COL9A3: variants seen among roughly 807,000 people sequenced by gnomAD.
COL9A3 encodes the protein collagen type IX alpha 3 chain, also known as collagen alpha-3(IX) chain.
In COL9A3, 82 loss-of-function variants were observed where a neutral mutation model predicts 110.2. That is an observed-to-expected ratio of 0.74 (90% confidence interval 0.62 to 0.89). The LOEUF is 0.89. COL9A3 is among the 40% of genes least tolerant of loss of function. COL9A3 has a pLI of 0.00. For synonymous variants in COL9A3, 494 were observed against 403.8 expected (o/e 1.22, Z -2.68); for missense variants, 1,066 against 981.3 (o/e 1.09, Z -1.15).
chr20:62,824,510 C>G lies in COL9A3; in HGVS notation c.576+9C>G, dbSNP rs377255816. On this transcript the variant is annotated intron_variant, in intron 11 of 31. Coordinates refer to ENST00000649368, the MANE Select transcript of COL9A3 (RefSeq NM_001853.4). ...GAATGCCAGGGTTCAAGGTGAGTCA[C>G]GGGTGACTGGGACCCAAGCACCACC... 25 of 1,584,828 alleles carry G rather than the reference C, an allele frequency of 1.6e-5. No homozygotes were observed. The highest frequency in any genetic ancestry group is 2.0e-5 in the Non-Finnish European group (23 of 1,166,312).
intron 8 of COL9A3, 77 bp from the exon 9 acceptor site, chr20:62,822,034 A>G (rs1331576612): frequency 1.3e-5 from 12 of 938,432 alleles, no homozygotes; most frequent in Non-Finnish European, 2.1e-5. Context: ...GGGCGTGTCC[A>G]CCTCCCTGGG....
intron 4 of COL9A3, 116 bp from the exon 5 acceptor site, chr20:62,819,813 G>A (rs1277168271): frequency 1.8e-6 from 2 of 1,136,612 alleles, no homozygotes; most frequent in East Asian, 4.7e-5. Flanking sequence ...CCACCCTAAG[G>A]GTCTTCTATG....
At chr20:62,818,002 G>A (rs1218335674) in intron 2 of COL9A3, 2 of 378,872 alleles carry the variant, frequency 5.3e-6, no homozygotes, top group African/African-American at 4.1e-5. Flanking sequence ...CTGGGCTCTG[G>A]AGCCAGCCAT....
chr20:62,834,829 T>C (rs901401223), intron 26 of COL9A3, among the ~76,000 whole-genome samples: 3 of 152,038 alleles, frequency 2.0e-5, no homozygotes, highest in South Asian at 2.1e-4. Context: ...TTAGTAGAGA[T>C]GGGGTTTCAC....
chr20:62,833,145 G>A lies in COL9A3; in HGVS notation c.1368+81G>A, dbSNP rs2294994. On this transcript the variant is annotated intron_variant, in intron 26 of 31. Coordinates refer to ENST00000649368, the MANE Select transcript of COL9A3 (RefSeq NM_001853.4). Reference sequence around the variant, plus strand: ...TGGCTGGGGAACAGTCCTGGGGACAGGGTCAAAATCTGCAGCTCCCGGTGG... The same window carrying A: ...TGGCTGGGGAACAGTCCTGGGGACAAGGTCAAAATCTGCAGCTCCCGGTGG... 222,936 of 1,181,850 alleles carry A rather than the reference G, an allele frequency of 0.19. 24,184 individuals are homozygous for A. Among genetic ancestry groups the A allele is most frequent in the African/African-American group, 0.41 (26,784 of 65,476 alleles). 73.2% of individuals were successfully genotyped at this position (1,181,850 alleles called of 1,614,324 possible).
chr20:62,837,603 T>C (rs185699760), intron 30 of COL9A3, among the ~76,000 whole-genome samples: 114 of 148,506 alleles, frequency 7.7e-4, no homozygotes, highest in Non-Finnish European at 1.1e-3. Flanking sequence ...GGTCGGGAGT[T>C]CAAGACCAGC....
chr20:62,830,450 C>T (rs781428122), intron 23 of COL9A3, 37 bp downstream of exon 23: 29 of 1,561,518 alleles, frequency 1.9e-5, no homozygotes, highest in Admixed American at 1.9e-4. Context: ...GCATGGGGGG[C>T]GGCACACCCA....
chr20:62,824,622 C>G, intron 11 of COL9A3, 121 bp downstream of exon 11: 1 of 1,085,882 alleles, frequency 9.2e-7, no homozygotes, highest in Non-Finnish European at 1.4e-6. Context: ...AGGGTTGCCC[C>G]AGGAAGAAAG....
At chr20:62,839,660 T>A (rs1011981601) in intron 31 of COL9A3, among the ~76,000 whole-genome samples, 1 of 132,130 alleles carries the variant, frequency 7.6e-6, no homozygotes, top group Non-Finnish European at 1.6e-5. Flanking sequence ...AGCCCTCTCC[T>A]CTCCTCCACC....
Position 62,822,274 on chromosome 20 carries a change from C to T in COL9A3, c.477+110C>T, listed in dbSNP as rs558428455. ...TCCATGCCCCTCCGAGATCTCCTAA[C>T]CCTAACTTGGCCACTCCCAGGAACA... On this transcript the variant is annotated intron_variant, in intron 9 of 31. Transcript: ENST00000649368. 1,148 of 787,950 alleles carry T rather than the reference C, an allele frequency of 1.5e-3. 3 individuals carry two copies. Among genetic ancestry groups the T allele is most frequent in the Non-Finnish European group, 2.1e-3 (910 of 435,150 alleles). The allele number at this position is 787,950 out of a possible 1,614,324, so 48.8% of individuals were successfully genotyped here.
At chr20:62,829,238 G>T (rs571124846) in intron 19 of COL9A3, among the ~76,000 whole-genome samples, 1 of 152,332 alleles carries the variant, frequency 6.6e-6, no homozygotes, top group East Asian at 1.9e-4. Context: ...GATGCCGTGC[G>T]GTCATCACCC....
intron 20 of COL9A3, 35 bp downstream of exon 20, chr20:62,829,534 G>A (rs1160874445): frequency 6.2e-7 from 1 of 1,611,686 alleles, no homozygotes. Flanking sequence ...TCTGGGAGGG[G>A]AGGCGAGGGG....
intron 26 of COL9A3, among the ~76,000 whole-genome samples, chr20:62,834,846 G>A (rs1010796944): frequency 3.9e-5 from 6 of 152,118 alleles, no homozygotes; most frequent in Non-Finnish European, 8.8e-5. Context: ...TCACCATGTT[G>A]GCCGGGCTGG....
rs148610956 is a variant in COL9A3 at position 62,835,930 on chromosome 20, G to T, written c.1378G>T (p.Gly460Cys). The change falls in exon 27 of 32, where the codon GGC becomes TGC. Residue 460 changes from glycine to cysteine, a missense_variant. Coordinates refer to ENST00000649368, the MANE Select transcript of COL9A3 (RefSeq NM_001853.4). ...PGDKGELGPS[G>C]LVGPKGESGS... ...ACTTTTCTCTTCACAGGGTCCCAGC[G>T]GCCTGGTCGGACCCAAAGGAGAGGT... 4 of 1,614,058 alleles carry T rather than the reference G, an allele frequency of 2.5e-6. No homozygotes were observed. Among genetic ancestry groups the T allele is most frequent in the Non-Finnish European group, 3.4e-6 (4 of 1,180,046 alleles).
In COL9A3 at chr20:62,837,144, G is replaced by A; in HGVS notation, c.1665G>A (p.Arg555=). 3 of 1,613,210 alleles carry A rather than the reference G, an allele frequency of 1.9e-6. No homozygotes were observed. The highest frequency in any genetic ancestry group is 2.2e-5 in the South Asian group (2 of 91,076). The change falls in exon 30 of 32, where the codon CGG becomes CGA. Residue 555 remains arginine (R), a synonymous_variant. Transcript: ENST00000649368. ...RKPLAPGSIG[R]PGPAGPPGPP... ...CTTTGGCACCCGGGTCCATTGGTCGGCCCGGTCCAGCTGGCCCCCCTGGGC... is the reference window on the plus strand; with the variant it reads ...CTTTGGCACCCGGGTCCATTGGTCGACCCGGTCCAGCTGGCCCCCCTGGGC...
rs1485141459 is a variant in COL9A3, at chr20:62,825,381, T to G, written c.630+360T>G. Reference sequence around the variant, plus strand: ...CTGTGGCCGGGGCGAGGGGCATCTGTGAGGATGGCTGGCTTTAGCCTGTAG... The same window carrying G: ...CTGTGGCCGGGGCGAGGGGCATCTGGGAGGATGGCTGGCTTTAGCCTGTAG... On this transcript the variant is annotated intron_variant, in intron 12 of 31. Coordinates refer to ENST00000649368, the MANE Select transcript of COL9A3 (RefSeq NM_001853.4). 3 of 330,482 alleles carry G rather than the reference T, an allele frequency of 9.1e-6. No individual in the cohort carries two copies. The East Asian group carries it at 2.7e-4, about 30-fold the overall frequency. 20.5% of individuals were successfully genotyped at this position (330,482 alleles called of 1,614,324 possible).
chr20:62,831,822 T>C (rs1371552083), intron 24 of COL9A3: 3 of 420,698 alleles, frequency 7.1e-6, no homozygotes, highest in Non-Finnish European at 1.3e-5. Flanking sequence ...GGGAAGGTGA[T>C]TAGATGAGCT....
chr20:62,825,823 C>A lies in COL9A3; in HGVS notation c.637C>A (p.Pro213Thr). Residue 213 changes from proline to threonine, a missense_variant, in exon 13 of 32, where the codon CCT (proline) becomes ACT (threonine). Pro to Thr is a conservative substitution (Grantham distance 38). Coordinates refer to ENST00000649368, the MANE Select transcript of COL9A3 (RefSeq NM_001853.4). ...EVGKDGEKGD[P>T]GPPGPAGLPG... ...CCTATCCCCTCTGTTTCAGGGTGAC[C>A]CTGGCCCCCCTGGGCCCGCCGGCCT... is the stretch of plus-strand genomic sequence containing the variant. The A allele has an allele frequency of 6.4e-7, 1 of 1,554,022 alleles. No homozygotes were observed. Among genetic ancestry groups the A allele is most frequent in the Non-Finnish European group, 8.7e-7 (1 of 1,148,598 alleles).
In COL9A3 at chr20:62,836,106, T is replaced by A. The variant is rs1370545382; in HGVS notation, c.1402-81T>A. 5.6e-6 allele frequency: 9 copies of A among 1,604,628 alleles called. No homozygotes were observed. The African/African-American group carries it at 1.2e-4, about 21-fold the overall frequency. ...GTCAAGGCTGGGCAAGACGGCTCCG[T>A]GCCGGCTGGGAAAGAGCACGTCGGG... On this transcript the variant is annotated intron_variant, in intron 27 of 31. Transcript: ENST00000649368.
Sources: allele counts gnomAD v4.1 joint callset (sites outside exome capture counted in the v4.1 genomes callset), GRCh38; gene constraint gnomAD v4.1.1; transcripts MANE v1.5; gene names NCBI Gene and HGNC (gene_info 2026-07-23, HGNC 2026-07-21).